The following ARFGEF1 variants were observed in gnomAD, a reference collection of about 807,000 sequenced individuals.
The protein encoded by ARFGEF1 is ARF guanine nucleotide exchange factor 1.
In ARFGEF1, 42 loss-of-function variants were observed where a neutral mutation model predicts 231.0. That is an observed-to-expected ratio of 0.18 (90% CI 0.14 to 0.24). The LOEUF (loss-of-function observed/expected upper bound fraction) is 0.24. Among genes scored for constraint, ARFGEF1 ranks in the 10% least tolerant of loss-of-function variants. The pLI is 1.00. For missense variants in ARFGEF1, 1,345 were observed against 2,192.0 expected, an observed-to-expected ratio of 0.61 and a Z score of 7.72; for synonymous variants, 710 against 732.3, an observed-to-expected ratio of 0.97 and a Z score of 0.49.
At chr8:67,313,333 G>A (rs1807157127) in intron 1 of ARFGEF1, among the ~76,000 whole-genome samples, 1 of 152,200 alleles carries the variant, frequency 6.6e-6, no homozygotes, top group African/African-American at 2.4e-5. Context: ...AAACTAGTGT[G>A]ATTTTTGCGG....
At chr8:67,326,271 A>T (rs547415672) in intron 1 of ARFGEF1, among the ~76,000 whole-genome samples, 3 of 152,368 alleles carry the variant, frequency 2.0e-5, no homozygotes, top group African/African-American at 7.2e-5. Flanking sequence ...CAAATATGAA[A>T]TACAGGAAAA....
chr8:67,221,071 T>C (rs1443214011), intron 29 of ARFGEF1, among the ~76,000 whole-genome samples: 1 of 152,138 alleles, frequency 6.6e-6, no homozygotes, highest in African/African-American at 2.4e-5. Flanking sequence ...TAGTTGAGGC[T>C]TTCACTGATT....
rs961586809 is a variant in ARFGEF1 at position 67,307,803 on chromosome 8, G to A, written c.125-5337C>T. ...CTTCTACATAGTGACCTTGCCACCA[G>A]GAGATATTCTAACTCCCCTCCCCTT... is the stretch of plus-strand genomic sequence containing the variant. On this transcript the variant is annotated intron_variant, in intron 1 of 38. Coordinates refer to ENST00000262215, the MANE Select transcript of ARFGEF1 (RefSeq NM_006421.5). Among the ~76,000 whole-genome samples, 3 of 152,164 alleles carry A rather than the reference G, an allele frequency of 2.0e-5. No homozygotes were observed. The South Asian group carries it at 6.2e-4, about 31-fold the overall frequency.
chr8:67,251,219 GCTTC>G (rs1840274986), intron 19 of ARFGEF1, 76 bp downstream of exon 19: 11 of 1,303,620 alleles, frequency 8.4e-6, no homozygotes, highest in Non-Finnish European at 8.1e-6. Flanking sequence ...TCACTGTATC[GCTTC>G]CTTAACTTAA....
intron 38 of ARFGEF1, 114 bp from the exon 39 acceptor site, chr8:67,199,212 A>G: frequency 7.8e-7 from 1 of 1,282,152 alleles, no homozygotes; most frequent in South Asian, 1.4e-5. Context: ...AGCAGGGTCC[A>G]CAGCAGGCAG....
intron 5 of ARFGEF1, among the ~76,000 whole-genome samples, chr8:67,176,032 A>G (rs552732699): frequency 4.6e-5 from 7 of 150,642 alleles, no homozygotes; most frequent in Admixed American, 4.6e-4. Context: ...GTGATGCTAA[A>G]GAAGTACAAC....
At chr8:67,274,724 C>T (rs1805241282) in intron 9 of ARFGEF1, among the ~76,000 whole-genome samples, 1 of 152,072 alleles carries the variant, frequency 6.6e-6, no homozygotes, top group African/African-American at 2.4e-5. Flanking sequence ...AAAAAAGCAT[C>T]TGAGGCTTTA....
At chr8:67,222,668 C>G (rs1839239616) in intron 29 of ARFGEF1, among the ~76,000 whole-genome samples, 1 of 151,960 alleles carries the variant, frequency 6.6e-6, no homozygotes, top group African/African-American at 2.4e-5. Flanking sequence ...CCAGGATGGT[C>G]TTGAACTCCT....
At position 67,301,376 on chromosome 8, in the gene ARFGEF1, G is replaced by A. The variant is rs1214124211; in HGVS notation, c.160C>T (p.Pro54Ser). 4.3e-6 allele frequency: 7 copies of A among 1,611,524 alleles called. No homozygotes were observed. The highest frequency in any genetic ancestry group is 2.2e-5 in the South Asian group (2 of 90,522). ...GATCCAGCTTTTGCTTCTCCATGAG[G>A]AGGACTAAATGAGAAAGAAAAGTCT... Reference protein sequence around the residue: ...IKAETEKQSPPHGEAKAGSST... With the variant: ...IKAETEKQSPSHGEAKAGSST... Residue 54 changes from proline (P) to serine (S), a missense_variant, in exon 3 of 39, where the codon CCT (proline) becomes TCT (serine). Physicochemically the swap from Pro to Ser is moderately conservative, Grantham distance 74. Transcript: ENST00000262215.
rs991875380 is a variant in ARFGEF1 at position 67,259,698 on chromosome 8, T to C, written c.2235+117A>G. On this transcript the variant is annotated intron_variant, in intron 15 of 38. Transcript: ENST00000262215. ...GGGAGGCTGAGGCAGGAGGATTGCCTGAGCCCAGGAGTTCAAAACTAGCCT... is the reference window on the plus strand; with the variant it reads ...GGGAGGCTGAGGCAGGAGGATTGCCCGAGCCCAGGAGTTCAAAACTAGCCT... 26 of 611,350 alleles carry C rather than the reference T, an allele frequency of 4.3e-5. 1 individual carries two copies. Among genetic ancestry groups the C allele is most frequent in the Non-Finnish European group, 7.0e-5 (26 of 372,224 alleles). 37.9% of individuals were successfully genotyped at this position (611,350 alleles called of 1,614,324 possible).
Position 67,186,402 on chromosome 8 carries a change from CCTCA to C in ARFGEF1, c.561-10834_561-10831del, listed in dbSNP as rs373408247. Among the ~76,000 whole-genome samples, 409 of 138,450 alleles carry C rather than the reference CCTCA, an allele frequency of 3.0e-3. 3 individuals are homozygous for C. The highest frequency in any genetic ancestry group is 0.012 in the African/African-American group (401 of 34,238). The allele number at this position is 138,450 out of a possible 152,430, so 90.8% of individuals were successfully genotyped here. A position where few individuals can be genotyped will look rare whatever the true frequency, so the allele number is the denominator to read the frequency against. On this transcript the variant is annotated intron_variant, in intron 5 of 5. Coordinates refer to the ARFGEF1 transcript ENST00000518789. Reference sequence around the variant, plus strand: ...GACAAAAATATACATGTGAAATAAACCTCACTGTTTTAAATTAAAAAAAAAAAAA... The same window carrying C: ...GACAAAAATATACATGTGAAATAAACCTGTTTTAAATTAAAAAAAAAAAAA...
chr8:67,195,846 G>A, downstream of ARFGEF1: 1 of 434,590 alleles, frequency 2.3e-6, no homozygotes. Flanking sequence ...GAACTGGATT[G>A]AACTACTATA....
chr8:67,249,510 T>C (rs144801833), intron 19 of ARFGEF1, among the ~76,000 whole-genome samples: 3 of 150,842 alleles, frequency 2.0e-5, no homozygotes, highest in East Asian at 1.9e-4. Context: ...GACAGACGGA[T>C]AGATAAATCT....
chr8:67,289,988 T>G (rs1805938854), intron 6 of ARFGEF1, among the ~76,000 whole-genome samples: 1 of 152,136 alleles, frequency 6.6e-6, no homozygotes, highest in Admixed American at 6.6e-5. Context: ...CAGAACAGAA[T>G]AACAATGACT....
intron 3 of ARFGEF1, among the ~76,000 whole-genome samples, chr8:67,299,766 T>C (rs1806394954): frequency 6.6e-6 from 1 of 151,844 alleles, no homozygotes; most frequent in African/African-American, 2.4e-5. Context: ...AGCTTAGGAG[T>C]TCGAGGCCAG....
chr8:67,300,677 A>G (rs968769138), intron 3 of ARFGEF1, among the ~76,000 whole-genome samples: 1 of 113,816 alleles, frequency 8.8e-6, no homozygotes, highest in African/African-American at 3.3e-5. Flanking sequence ...AAAAAAAAAA[A>G]AAAAAAAAAT....
chr8:67,309,059 C>T (rs929735583), intron 1 of ARFGEF1, among the ~76,000 whole-genome samples: 1 of 152,100 alleles, frequency 6.6e-6, no homozygotes, highest in East Asian at 1.9e-4. Flanking sequence ...CAATGGAATA[C>T]CATTCTGCCT....
chr8:67,334,885 G>A (rs1028673600), intron 1 of ARFGEF1, among the ~76,000 whole-genome samples: 2 of 152,122 alleles, frequency 1.3e-5, no homozygotes, highest in Admixed American at 6.5e-5. Context: ...AATGCCAGAA[G>A]CTAGGGATGA....
chr8:67,269,047 A>G (rs1176088356), intron 10 of ARFGEF1, among the ~76,000 whole-genome samples: 1 of 152,192 alleles, frequency 6.6e-6, no homozygotes, highest in Non-Finnish European at 1.5e-5. Flanking sequence ...AATATAAGAT[A>G]TTATGCCTAT....
Sources: allele counts gnomAD v4.1 joint callset (sites outside exome capture counted in the v4.1 genomes callset), GRCh38; gene constraint gnomAD v4.1.1; transcripts MANE v1.5; gene names NCBI Gene and HGNC (gene_info 2026-07-23, HGNC 2026-07-21).